The following IDNK variants were observed in gnomAD, a reference collection of about 807,000 sequenced individuals.
The protein encoded by IDNK is gluconokinase.
Under a neutral mutation model 13.0 loss-of-function variants are expected in IDNK, and 9 were observed. The observed-to-expected ratio is 0.69, with a 90% CI of 0.42 to 1.21. IDNK has a LOEUF of 1.21. Ranked by LOEUF, IDNK falls within the 50% of genes most tolerant of loss-of-function variation. IDNK has a pLI of 0.00. For missense variants in IDNK, 210 were observed against 237.8 expected (o/e 0.88, Z 0.77); for synonymous variants, 92 against 94.9 (o/e 0.97, Z 0.18).
At chr9:83,642,831 T>C (rs187814293) in intron 4 of IDNK, among the ~76,000 whole-genome samples, 3 of 152,252 alleles carry the variant, frequency 2.0e-5, no homozygotes, top group Admixed American at 6.5e-5. Flanking sequence ...TTTTCCTTAG[T>C]GCATCCCTAG....
chr9:83,629,038 A>C, intron 3 of IDNK, 79 bp downstream of exon 3: 1 of 1,084,996 alleles, frequency 9.2e-7, no homozygotes, highest in Non-Finnish European at 1.4e-6. Context: ...TTGCTGTAGT[A>C]GAGTTCGTGA....
chr9:83,640,947 TTTTTG>T (rs1209675726), intron 3 of IDNK, among the ~76,000 whole-genome samples: 1 of 152,212 alleles, frequency 6.6e-6, no homozygotes, highest in Non-Finnish European at 1.5e-5. Flanking sequence ...TAGAAAGTTT[TTTTTG>T]TTTTGTTTTC....
intron 3 of IDNK, among the ~76,000 whole-genome samples, chr9:83,634,747 G>T (rs1831119118): frequency 6.6e-6 from 1 of 152,184 alleles, no homozygotes; most frequent in South Asian, 2.1e-4. Flanking sequence ...ATAGCAAAAT[G>T]CAAGTTTGTG....
chr9:83,643,835 C>A lies in IDNK; in HGVS notation c.*55C>A. ...AACTAAGCATAAATCATTGTGCCAT[C>A]CCAAACCTCGTTCCAGCCGCCTTGC... On this transcript the variant is annotated 3_prime_UTR_variant, in exon 5 of 5. Transcript: ENST00000376419. The A allele has an allele frequency of 7.4e-7, 1 of 1,357,854 alleles. No individual in the cohort carries two copies. The highest frequency in any genetic ancestry group is 1.0e-6 in the Non-Finnish European group (1 of 980,762). The allele number at this position is 1,357,854 out of a possible 1,614,324, so 84.1% of individuals were successfully genotyped here. A position where few individuals can be genotyped will look rare whatever the true frequency, so the allele number is the denominator to read the frequency against.
At chr9:83,626,060 T>C (rs1374796041) in intron 1 of IDNK, among the ~76,000 whole-genome samples, 2 of 152,326 alleles carry the variant, frequency 1.3e-5, no homozygotes, top group East Asian at 3.9e-4. Flanking sequence ...GCTCAGACCT[T>C]TTGAATATCT....
intron 3 of IDNK, among the ~76,000 whole-genome samples, chr9:83,633,194 C>A (rs974341828): frequency 6.6e-6 from 1 of 152,116 alleles, no homozygotes; most frequent in Non-Finnish European, 1.5e-5. Context: ...ACAAAATTAG[C>A]CGGGCGTGGT....
chr9:83,623,114 C>G, upstream of IDNK: 2 of 1,365,770 alleles, frequency 1.5e-6, no homozygotes, highest in South Asian at 1.7e-5. Context: ...CCTCGAGCGC[C>G]GGGTAGGCCG....
At chr9:83,629,834 C>T (rs1830963466) in intron 3 of IDNK, among the ~76,000 whole-genome samples, 1 of 152,218 alleles carries the variant, frequency 6.6e-6, no homozygotes, top group Admixed American at 6.5e-5. Context: ...GCCTGACACA[C>T]AGTAAACATC....
At position 83,628,215 on chromosome 9, in the gene IDNK, A is replaced by G; in HGVS notation, c.81+4A>G. 25 of 1,549,586 alleles carry G rather than the reference A, an allele frequency of 1.6e-5. No homozygotes were observed. Among genetic ancestry groups the G allele is most frequent in the Non-Finnish European group, 2.1e-5 (24 of 1,146,036 alleles). On this transcript the variant is annotated splice_donor_region_variant and intron_variant, in intron 2 of 4. Coordinates refer to ENST00000376419, the MANE Select transcript of IDNK (RefSeq NM_001001551.4). ...GGGCGCCCTGCTGGCATCTGAGGTTAGTAACCTGTCCTAATGCCTTCCGAG... is the reference window on the plus strand; with the variant it reads ...GGGCGCCCTGCTGGCATCTGAGGTTGGTAACCTGTCCTAATGCCTTCCGAG...
chr9:83,631,911 G>A (rs1332501328), intron 3 of IDNK, among the ~76,000 whole-genome samples: 1 of 152,062 alleles, frequency 6.6e-6, no homozygotes, highest in African/African-American at 2.4e-5. Context: ...TGAGCCTGCA[G>A]GGGCACCTGA....
rs1328960507 is a variant in IDNK, at chr9:83,629,955, G to A, written c.168+996G>A. Among the ~76,000 whole-genome samples, 4 of 152,248 alleles carry A rather than the reference G, an allele frequency of 2.6e-5. 1 individual carries two copies. Among genetic ancestry groups the A allele is most frequent in the African/African-American group, 9.6e-5 (4 of 41,472 alleles). ...TGTCTCACACCAGAGTTACAAACTC[G>A]CTGGCATAACTGGCCATAGTTCAGG... On this transcript the variant is annotated intron_variant, in intron 3 of 4. Transcript: ENST00000376419.
At chr9:83,628,358 A>G (rs1830918765) in intron 2 of IDNK, 147 bp downstream of exon 2, 2 of 731,026 alleles carry the variant, frequency 2.7e-6, no homozygotes, top group Non-Finnish European at 4.8e-6. Context: ...CTTGGTGATT[A>G]CAAATAGTGA....
In IDNK at chr9:83,643,770, A is replaced by C. The variant is rs1052690; in HGVS notation, c.554A>C (p.Lys185Thr). ...ATTGCTACAATTATGGAAACCCTAA[A>C]AATGAAATGACAATGATTTTGTATC... ...EIIATIMETL[K>T]MK The change falls in exon 5 of 5, where the codon AAA becomes ACA. Residue 185 changes from lysine (K) to threonine (T), a missense_variant. Lys to Thr is a moderately conservative substitution (Grantham distance 78, BLOSUM62 -1). Coordinates refer to ENST00000376419, the MANE Select transcript of IDNK (RefSeq NM_001001551.4). 264,507 of 1,600,782 alleles carry C rather than the reference A, an allele frequency of 0.17. 23,456 individuals carry two copies. The highest frequency in any genetic ancestry group is 0.2 in the Middle Eastern group (1,159 of 5,910).
At chr9:83,637,486 C>G (rs1241463984) in intron 3 of IDNK, among the ~76,000 whole-genome samples, 1 of 152,160 alleles carries the variant, frequency 6.6e-6, no homozygotes, top group Non-Finnish European at 1.5e-5. Flanking sequence ...TAAGAAATGG[C>G]CTGAGCCCAG....
rs1831389866 is a variant in IDNK, at chr9:83,644,028, A to T, written c.*248A>T. On this transcript the variant is annotated 3_prime_UTR_variant, in exon 5 of 5. Coordinates refer to ENST00000376419, the MANE Select transcript of IDNK (RefSeq NM_001001551.4). ...TCATCTATAACCAAATCAAATGATC[A>T]GAGGAAATTCTGTAATCAATGCTGG... 2 of 413,204 alleles carry T rather than the reference A, an allele frequency of 4.8e-6. No homozygotes were observed. The highest frequency in any genetic ancestry group is 8.8e-6 in the Non-Finnish European group (2 of 227,714). 25.6% of individuals were successfully genotyped at this position (413,204 alleles called of 1,614,324 possible).
At chr9:83,623,767 T>C (rs1405882763) in intron 1 of IDNK, among the ~76,000 whole-genome samples, 1 of 152,194 alleles carries the variant, frequency 6.6e-6, no homozygotes, top group East Asian at 1.9e-4. Flanking sequence ...AGCGTTAATA[T>C]GGAGGGTGGC....
In IDNK at chr9:83,643,720, T is replaced by C. The variant is rs759610956; in HGVS notation, c.504T>C (p.Ser168=). The C allele has an allele frequency of 7.4e-6, 12 of 1,613,556 alleles. No homozygotes were observed. In the East Asian group the frequency reaches 2.7e-4, roughly 36 times the overall value. Residue 168 remains serine (S), a synonymous_variant, in exon 5 of 5, where the codon AGT becomes AGC. Coordinates refer to ENST00000376419, the MANE Select transcript of IDNK (RefSeq NM_001001551.4). ...PAAPENFIQI[S]VDKNVSEIIA... is the part of the protein sequence containing the mutation. ...CTCCAGAAAACTTTATCCAAATAAG[T>C]GTGGACAAAAATGTTTCAGAGATAA...
intron 1 of IDNK, 142 bp downstream of exon 1, chr9:83,623,363 G>A (rs1336589880): frequency 2.5e-6 from 2 of 791,712 alleles, no homozygotes; most frequent in South Asian, 1.8e-5. Flanking sequence ...ACCGAGGCCC[G>A]CGGCTGCCGC....
intron 1 of IDNK, chr9:83,623,560 G>C: frequency 3.2e-6 from 1 of 312,694 alleles, no homozygotes; most frequent in South Asian, 3.3e-5. Flanking sequence ...CTAGGTTTCG[G>C]GGCGCCTTGT....
Sources: gnomAD v4.1 joint callset for allele counts (sites outside exome capture counted in the v4.1 genomes callset) on GRCh38, gnomAD v4.1.1 for gene constraint, MANE v1.5 for transcripts, NCBI Gene and HGNC (gene_info 2026-07-23, HGNC 2026-07-21) for gene names.